The following FAM135B variants were observed in gnomAD, a reference collection of about 807,000 sequenced individuals.
FAM135B encodes the protein protein FAM135B.
A neutral mutation model predicts 127.7 loss-of-function variants in FAM135B; 43 were observed. The observed-to-expected ratio is 0.34, with a 90% CI of 0.26 to 0.43. FAM135B has a LOEUF of 0.43. Ranked by LOEUF, FAM135B falls within the 20% of genes least tolerant of loss-of-function variation. The probability of loss-of-function intolerance (pLI) is 1.00; values close to 1 mark genes in which losing one functional copy is unlikely to be tolerated. For synonymous variants in FAM135B, 670 were observed against 665.1 expected (o/e 1.01, Z -0.11); for missense variants, 1,558 against 1,725.6 (o/e 0.90, Z 1.72).
At position 138,306,574 on chromosome 8, in the gene FAM135B, G is replaced by A. The variant is rs537700927; in HGVS notation, c.157+4267C>T. Among the ~76,000 whole-genome samples the A allele has an allele frequency of 7.8e-5, 11 of 140,980 alleles. No homozygotes were observed. In the South Asian group the frequency reaches 2.2e-3, roughly 28 times the overall value. The allele number at this position is 140,980 out of a possible 152,430, so 92.5% of individuals were successfully genotyped here. ...GCAATAATACAAAAAGCCTGTCACAGTGTATCATTCTTTTTTTTTTTTTTT... is the reference window on the plus strand; with the variant it reads ...GCAATAATACAAAAAGCCTGTCACAATGTATCATTCTTTTTTTTTTTTTTT... On this transcript the variant is annotated intron_variant, in intron 3 of 19. Coordinates refer to ENST00000395297, the MANE Select transcript of FAM135B (RefSeq NM_015912.4).
chr8:138,295,762 T>A (rs1000560711), intron 3 of FAM135B, among the ~76,000 whole-genome samples: 15 of 152,144 alleles, frequency 9.9e-5, no homozygotes, highest in African/African-American at 3.6e-4. Flanking sequence ...AATGTTCAGA[T>A]GAAATATTAA....
At chr8:138,149,856 T>G (rs1362835854) in intron 13 of FAM135B, among the ~76,000 whole-genome samples, 1 of 152,212 alleles carries the variant, frequency 6.6e-6, no homozygotes, top group Non-Finnish European at 1.5e-5. Flanking sequence ...TTCTCTCATG[T>G]GTCTGTCTCT....
chr8:138,222,678 G>GTTTTTTTTTT (rs33913656), intron 7 of FAM135B, among the ~76,000 whole-genome samples: 1 of 104,050 alleles, frequency 9.6e-6, no homozygotes, highest in Non-Finnish European at 1.9e-5. Flanking sequence ...TGTTGGTGGT[G>GTTTTTTTTTT]TTTTTTTTTT....
chr8:138,340,267 G>C (rs1328431001), intron 2 of FAM135B, among the ~76,000 whole-genome samples: 1 of 152,034 alleles, frequency 6.6e-6, no homozygotes, highest in Non-Finnish European at 1.5e-5. Context: ...TGCCACACCA[G>C]AACAATACGA....
At chr8:138,314,088 A>T (rs1826895599) in intron 2 of FAM135B, among the ~76,000 whole-genome samples, 1 of 152,130 alleles carries the variant, frequency 6.6e-6, no homozygotes, top group South Asian at 2.1e-4. Flanking sequence ...GAATGCTGTG[A>T]TGTGCCCCAT....
chr8:138,148,480 T>C (rs1212336824), intron 14 of FAM135B, 40 bp downstream of exon 14: 1 of 1,541,160 alleles, frequency 6.5e-7, no homozygotes, highest in Admixed American at 1.7e-5. Flanking sequence ...AAGTTGTATA[T>C]ATGACAGAAT....
At chr8:138,217,030 T>C (rs753992342) in intron 7 of FAM135B, among the ~76,000 whole-genome samples, 6 of 152,092 alleles carry the variant, frequency 3.9e-5, no homozygotes, top group Admixed American at 3.3e-4. Flanking sequence ...AGTATAATAA[T>C]AGTCACCTCG....
intron 3 of FAM135B, among the ~76,000 whole-genome samples, chr8:138,267,849 T>C (rs1368623511): frequency 1.3e-5 from 2 of 152,250 alleles, no homozygotes; most frequent in African/African-American, 4.8e-5. Flanking sequence ...CAGTTCTATT[T>C]AGACCTGCTG....
chr8:138,421,636 A>G (rs1372687339), intron 1 of FAM135B, among the ~76,000 whole-genome samples: 1 of 152,210 alleles, frequency 6.6e-6, no homozygotes, highest in Non-Finnish European at 1.5e-5. Flanking sequence ...AAAGTCAGAA[A>G]TGACACAAAC....
chr8:138,317,323 C>T (rs1563891969), intron 2 of FAM135B, among the ~76,000 whole-genome samples: 4 of 152,018 alleles, frequency 2.6e-5, no homozygotes, highest in Non-Finnish European at 5.9e-5. Context: ...AAATATAATA[C>T]AGATTAGTGG....
intron 3 of FAM135B, among the ~76,000 whole-genome samples, chr8:138,272,716 T>C (rs1734571108): frequency 6.6e-6 from 1 of 152,252 alleles, no homozygotes; most frequent in Non-Finnish European, 1.5e-5. Flanking sequence ...TTGCCTCTAG[T>C]ACACTTTAGT....
At chr8:138,236,443 C>T (rs1820283089) in intron 7 of FAM135B, among the ~76,000 whole-genome samples, 1 of 151,938 alleles carries the variant, frequency 6.6e-6, no homozygotes, top group African/African-American at 2.4e-5. Flanking sequence ...CACATACACA[C>T]TAGAATATTA....
chr8:138,166,108 C>T lies in FAM135B; in HGVS notation c.1258+1787G>A, dbSNP rs572919810. 1.5e-4 allele frequency among the ~76,000 whole-genome samples: 23 copies of T among 152,320 alleles called. No homozygotes were observed. In the South Asian group the frequency reaches 4.8e-3, roughly 32 times the overall value. ...GGCGTTGAACGTCGGCTTTAATAAGCCTTGTGATCTTTAATACATGCTTAT... is the reference window on the plus strand; with the variant it reads ...GGCGTTGAACGTCGGCTTTAATAAGTCTTGTGATCTTTAATACATGCTTAT... On this transcript the variant is annotated intron_variant, in intron 12 of 19. Coordinates refer to ENST00000395297, the MANE Select transcript of FAM135B (RefSeq NM_015912.4).
rs1390674271 is a variant in FAM135B at position 138,151,725 on chromosome 8, G to A, written c.2750C>T (p.Ala917Val). 2 of 1,614,164 alleles carry A rather than the reference G, an allele frequency of 1.2e-6. No individual in the cohort carries two copies. The highest frequency in any genetic ancestry group is 1.7e-6 in the Non-Finnish European group (2 of 1,180,040). ...CTCTGAGATGCCACTGTTGGAAAGA[G>A]CTTGCTGACCCACATTCAAGTCTTT... ...MPKDLNVGQQ[A>V]LSNSGISEVE... The change falls in exon 13 of 20, where the codon GCT becomes GTT. Residue 917 changes from alanine to valine, a missense_variant. By Grantham distance (64) the Ala-to-Val change is moderately conservative. Transcript: ENST00000395297.
chr8:138,278,298 C>A (rs1327375810), intron 3 of FAM135B, among the ~76,000 whole-genome samples: 3 of 151,590 alleles, frequency 2.0e-5, no homozygotes, highest in African/African-American at 7.3e-5. Context: ...GCTCTTTTGA[C>A]CCCTTGTGTC....
chr8:138,301,325 G>A (rs1369884823), intron 3 of FAM135B, among the ~76,000 whole-genome samples: 1 of 152,150 alleles, frequency 6.6e-6, no homozygotes, highest in Non-Finnish European at 1.5e-5. Context: ...ACAGAAAGCG[G>A]TCGTCTTGCC....
chr8:138,208,951 A>C (rs1817925315), intron 7 of FAM135B, among the ~76,000 whole-genome samples: 1 of 152,242 alleles, frequency 6.6e-6, no homozygotes, highest in Non-Finnish European at 1.5e-5. Context: ...CTTATAAATT[A>C]CCTTAATACC....
intron 1 of FAM135B, among the ~76,000 whole-genome samples, chr8:138,428,843 C>T (rs143962918): frequency 6.6e-6 from 1 of 152,126 alleles, no homozygotes; most frequent in African/African-American, 2.4e-5. Context: ...ATTTATACCT[C>T]GAAATTTAAT....
At chr8:138,455,383 G>T (rs74701592) in intron 1 of FAM135B, among the ~76,000 whole-genome samples, 5,273 of 152,176 alleles carry the variant, frequency 0.035, 269 homozygotes, top group African/African-American at 0.11. Flanking sequence ...TTCCAAGTAC[G>T]TGGTCTGACA....
Sources: allele counts gnomAD v4.1 joint callset (sites outside exome capture counted in the v4.1 genomes callset), GRCh38; gene constraint gnomAD v4.1.1; transcripts MANE v1.5; gene names NCBI Gene and HGNC (gene_info 2026-07-23, HGNC 2026-07-21).